Variants in XPNPEP1 observed in about 807,000 individuals in gnomAD.
XPNPEP1 encodes the protein xaa-Pro aminopeptidase 1.
In XPNPEP1, 39 loss-of-function variants were observed where a neutral mutation model predicts 92.4. The ratio of observed to expected loss-of-function variants is 0.42; its 90% CI spans 0.33 to 0.55. The LOEUF (loss-of-function observed/expected upper bound fraction) is 0.55. Ranked by LOEUF, XPNPEP1 falls within the 20% of genes least tolerant of loss-of-function variation. XPNPEP1 has a pLI of 0.08. For synonymous variants in XPNPEP1, 307 were observed against 299.4 expected, an observed-to-expected ratio of 1.03 and a Z score of -0.26; for missense variants, 654 against 856.1, an observed-to-expected ratio of 0.76 and a Z score of 2.95.
At chr10:109,909,604 G>A (rs932993581) in intron 2 of XPNPEP1, among the ~76,000 whole-genome samples, 2 of 152,090 alleles carry the variant, frequency 1.3e-5, no homozygotes, top group Non-Finnish European at 2.9e-5. Flanking sequence ...AACAATCACT[G>A]ATATTAGTTA....
Position 109,888,584 on chromosome 10 carries a change from T to C in XPNPEP1, c.427A>G (p.Thr143Ala), listed in dbSNP as rs1848532212. The change falls in exon 6 of 21, where the codon ACA (threonine) becomes GCA (alanine). Residue 143 changes from threonine (T) to alanine (A), a missense_variant. Thr to Ala is a moderately conservative substitution (Grantham distance 58). Coordinates refer to ENST00000502935, the MANE Select transcript of XPNPEP1 (RefSeq NM_020383.4). The part of the protein sequence containing the change: ...WTLMKMGLKD[T>A]PTQEDWLVSV... ...ACCAGCCAGTCTTCCTGAGTTGGTG[T>C]GTCCTTCAGACCTACAGGGGGAAGA... 1 of 1,606,610 alleles carries C rather than the reference T, an allele frequency of 6.2e-7. No homozygotes were observed. The highest frequency in any genetic ancestry group is 8.5e-7 in the Non-Finnish European group (1 of 1,175,470).
intron 1 of XPNPEP1, among the ~76,000 whole-genome samples, chr10:109,922,746 G>T (rs886334233): frequency 6.6e-6 from 1 of 152,212 alleles, no homozygotes; most frequent in African/African-American, 2.4e-5. Flanking sequence ...TCCTGGTTAT[G>T]GCAGGGGAAT....
At chr10:109,903,312 G>C (rs1464981469) in intron 3 of XPNPEP1, among the ~76,000 whole-genome samples, 1 of 152,200 alleles carries the variant, frequency 6.6e-6, no homozygotes, top group African/African-American at 2.4e-5. Flanking sequence ...TTCACAAATA[G>C]TAGAGCTATT....
intron 8 of XPNPEP1, among the ~76,000 whole-genome samples, chr10:109,885,160 C>A (rs962750774): frequency 6.6e-6 from 1 of 152,116 alleles, no homozygotes; most frequent in Non-Finnish European, 1.5e-5. Context: ...ATGGTAGCAT[C>A]ATAATAAATT....
chr10:109,893,736 G>A (rs1247420780), intron 3 of XPNPEP1, among the ~76,000 whole-genome samples: 3 of 152,184 alleles, frequency 2.0e-5, no homozygotes, highest in African/African-American at 4.8e-5. Context: ...ATTCTTACGC[G>A]TGGGCAAAGG....
intron 2 of XPNPEP1, among the ~76,000 whole-genome samples, chr10:109,911,056 A>G (rs1849842234): frequency 1.3e-5 from 2 of 152,206 alleles, no homozygotes; most frequent in African/African-American, 4.8e-5. Flanking sequence ...GTGATCTCCA[A>G]TAGAATCCCC....
chr10:109,902,984 T>C (rs1849366173), intron 3 of XPNPEP1, among the ~76,000 whole-genome samples: 1 of 152,186 alleles, frequency 6.6e-6, no homozygotes, highest in Non-Finnish European at 1.5e-5. Flanking sequence ...CTGTCAAAGA[T>C]AGAACATTTT....
intron 17 of XPNPEP1, among the ~76,000 whole-genome samples, chr10:109,871,490 C>A (rs1293294933): frequency 1.3e-5 from 2 of 152,216 alleles, no homozygotes; most frequent in Non-Finnish European, 2.9e-5. Flanking sequence ...TCCACTCAGG[C>A]CCTGTGACCT....
intron 1 of XPNPEP1, among the ~76,000 whole-genome samples, chr10:109,921,318 A>G (rs1478350710): frequency 6.6e-6 from 1 of 152,204 alleles, no homozygotes; most frequent in African/African-American, 2.4e-5. Context: ...CCCAACATCC[A>G]GCTCAGTGCT....
chr10:109,888,297 TG>T, intron 6 of XPNPEP1, 105 bp from the exon 7 acceptor site: 2 of 1,473,754 alleles, frequency 1.4e-6, no homozygotes, highest in Non-Finnish European at 1.8e-6. Flanking sequence ...GGTCCTGCCA[TG>T]GCCCAGAGCT....
chr10:109,906,566 G>A (rs900180138), intron 3 of XPNPEP1, among the ~76,000 whole-genome samples: 4 of 152,164 alleles, frequency 2.6e-5, no homozygotes, highest in Non-Finnish European at 4.4e-5. Flanking sequence ...CCAATATGGT[G>A]GCTCTGCCCT....
Position 109,894,646 on chromosome 10 carries a change from T to A in XPNPEP1, c.247-1571A>T, listed in dbSNP as rs534190905. 5.3e-5 allele frequency among the ~76,000 whole-genome samples: 8 copies of A among 151,316 alleles called. No homozygotes were observed. In the South Asian group the frequency reaches 1.5e-3, roughly 28 times the overall value. On this transcript the variant is annotated intron_variant, in intron 3 of 20. Coordinates refer to ENST00000502935, the MANE Select transcript of XPNPEP1 (RefSeq NM_020383.4). ...CAGGGAGATACTAGAAGGGCCAGCA[T>A]AGAGAACCACAATGGCAGGATAAAG...
chr10:109,869,761 G>A, intron 19 of XPNPEP1, 192 bp downstream of exon 19: 1 of 527,336 alleles, frequency 1.9e-6, no homozygotes, highest in Non-Finnish European at 3.4e-6. Flanking sequence ...CTGATATCTG[G>A]AGAAGAAGGC....
chr10:109,872,882 A>T (rs1847565802), intron 16 of XPNPEP1, among the ~76,000 whole-genome samples: 1 of 152,224 alleles, frequency 6.6e-6, no homozygotes, highest in African/African-American at 2.4e-5. Context: ...CCAGACCCCT[A>T]GTACACATCT....
chr10:109,901,427 A>G (rs969218273), intron 3 of XPNPEP1, among the ~76,000 whole-genome samples: 8 of 152,194 alleles, frequency 5.3e-5, no homozygotes, highest in Admixed American at 3.9e-4. Context: ...AAAGATTTCC[A>G]TGGTATTTCT....
chr10:109,886,188 C>T, intron 8 of XPNPEP1, 58 bp downstream of exon 8: 2 of 1,559,556 alleles, frequency 1.3e-6, no homozygotes, highest in Non-Finnish European at 1.8e-6. Flanking sequence ...CACAGATACC[C>T]AGAGACCCAA....
chr10:109,912,659 A>G lies in XPNPEP1; in HGVS notation c.121+2352T>C, dbSNP rs575456100. 1.0e-3 allele frequency among the ~76,000 whole-genome samples: 158 copies of G among 152,362 alleles called. 1 individual carries two copies. Among genetic ancestry groups the G allele is most frequent in the African/African-American group, 3.7e-3 (153 of 41,582 alleles). On this transcript the variant is annotated intron_variant, in intron 2 of 20. Transcript: ENST00000502935. ...TTGTATAAGGAGTAAATGAGTTACT[A>G]TACATATGGCACTTAGAAACAGTAC...
rs1589593687 is a variant in XPNPEP1, at chr10:109,892,936, AG to A, written c.310+75del. The A allele has an allele frequency of 4.1e-6, 6 of 1,459,924 alleles. No individual in the cohort carries two copies. The East Asian group carries it at 1.4e-4, about 34-fold the overall frequency. The allele number at this position is 1,459,924 out of a possible 1,614,324, so 90.4% of individuals were successfully genotyped here. Reference sequence around the variant, plus strand: ...CATTTTCTTTTTGCTTCTATATCACAGGCTGAAACTCGGTTCAGTTATTTTT... The same window carrying A: ...CATTTTCTTTTTGCTTCTATATCACAGCTGAAACTCGGTTCAGTTATTTTT... On this transcript the variant is annotated intron_variant, in intron 4 of 20. Coordinates refer to ENST00000502935, the MANE Select transcript of XPNPEP1 (RefSeq NM_020383.4).
chr10:109,878,340 A>C, intron 12 of XPNPEP1: 1 of 343,074 alleles, frequency 2.9e-6, no homozygotes. Context: ...AAAAATTCAA[A>C]AGCATCCCCT....
Sources: allele counts gnomAD v4.1 joint callset (sites outside exome capture counted in the v4.1 genomes callset), GRCh38; gene constraint gnomAD v4.1.1; transcripts MANE v1.5; gene names NCBI Gene and HGNC (gene_info 2026-07-23, HGNC 2026-07-21).